GRM7: variants seen among roughly 807,000 people sequenced by gnomAD.
The protein encoded by GRM7 is metabotropic glutamate receptor 7.
GRM7 carries 35 observed loss-of-function variants against 84.5 expected under a neutral mutation model. The observed-to-expected ratio is 0.41, with a 90% CI of 0.32 to 0.55. The LOEUF is 0.55. GRM7 is among the 20% of genes least tolerant of loss of function. The probability of loss-of-function intolerance (pLI) is 0.19; values close to 1 mark genes in which losing one functional copy is unlikely to be tolerated. For synonymous variants in GRM7, 487 were observed against 455.1 expected (o/e 1.07, Z -0.89); for missense variants, 1,003 against 1,194.6 (o/e 0.84, Z 2.36).
At chr3:7,424,571 C>T (rs983616551) in intron 5 of GRM7, among the ~76,000 whole-genome samples, 27 of 152,116 alleles carry the variant, frequency 1.8e-4, no homozygotes, top group Admixed American at 1.6e-3. Flanking sequence ...TGTGACTTCT[C>T]TGAGAGTATA....
At chr3:7,116,047 G>A in intron 1 of GRM7, among the ~76,000 whole-genome samples, 1 of 152,114 alleles carries the variant, frequency 6.6e-6, no homozygotes, top group East Asian at 1.9e-4. Flanking sequence ...AACTTTACAG[G>A]GAAGATGCTC....
At chr3:7,729,746 G>GC (rs1403893889) in intron 9 of GRM7, among the ~76,000 whole-genome samples, 2 of 152,016 alleles carry the variant, frequency 1.3e-5, no homozygotes, top group East Asian at 3.9e-4. Context: ...TCACTCTGTT[G>GC]CCAGGCTGGA....
chr3:7,324,164 A>C (rs1338534143), intron 4 of GRM7, among the ~76,000 whole-genome samples: 3 of 152,022 alleles, frequency 2.0e-5, no homozygotes, highest in East Asian at 3.9e-4. Context: ...TTCCATTCTC[A>C]TGTGTGTTTT....
At chr3:7,492,688 C>T (rs535387670) in intron 7 of GRM7, among the ~76,000 whole-genome samples, 330 of 151,858 alleles carry the variant, frequency 2.2e-3, no homozygotes, top group Non-Finnish European at 3.8e-3. Flanking sequence ...TCTTTATTTT[C>T]GGTTCATTTG....
At chr3:7,101,778 A>G (rs900417050) in intron 1 of GRM7, among the ~76,000 whole-genome samples, 122 of 147,684 alleles carry the variant, frequency 8.3e-4, no homozygotes, top group African/African-American at 2.9e-3. Flanking sequence ...TAATTAAAAT[A>G]TATAAATATA....
chr3:7,656,518 A>ATATATATATATATATATATATAT (rs1298850673), intron 8 of GRM7, among the ~76,000 whole-genome samples: 1 of 93,284 alleles, frequency 1.1e-5, no homozygotes, highest in East Asian at 2.3e-4. Flanking sequence ...AACAAATAAA[A>ATATATATATATATATATATATAT]AAAAATATAT....
At chr3:6,945,276 T>C (rs1261645868) in intron 1 of GRM7, among the ~76,000 whole-genome samples, 1 of 144,514 alleles carries the variant, frequency 6.9e-6, no homozygotes, top group Non-Finnish European at 1.5e-5. Flanking sequence ...TGTGTTCTCA[T>C]TGTTCAATTC....
At chr3:7,030,823 T>A (rs1363866897) in intron 1 of GRM7, among the ~76,000 whole-genome samples, 3 of 152,226 alleles carry the variant, frequency 2.0e-5, no homozygotes. Context: ...GAATGAATAA[T>A]TAATATGTCT....
chr3:7,624,636 T>C (rs1470551253), intron 8 of GRM7, among the ~76,000 whole-genome samples: 1 of 152,170 alleles, frequency 6.6e-6, no homozygotes, highest in Non-Finnish European at 1.5e-5. Context: ...ATAACTCTGA[T>C]AAAATCTACC....
At chr3:7,185,081 CT>C (rs1465583113) in intron 2 of GRM7, among the ~76,000 whole-genome samples, 9 of 152,258 alleles carry the variant, frequency 5.9e-5, no homozygotes. Context: ...GTCAAAATGG[CT>C]TGCTCCAAGT....
At chr3:7,371,220 G>A (rs543349288) in intron 4 of GRM7, among the ~76,000 whole-genome samples, 7 of 152,254 alleles carry the variant, frequency 4.6e-5, no homozygotes, top group East Asian at 1.9e-4. Context: ...TGTTGTAGCC[G>A]TGGCAGATTG....
At chr3:7,039,535 C>T (rs1466199780) in intron 1 of GRM7, among the ~76,000 whole-genome samples, 2 of 152,116 alleles carry the variant, frequency 1.3e-5, no homozygotes, top group African/African-American at 4.8e-5. Flanking sequence ...GTAGTGGCAA[C>T]ATTTTGCTTG....
intron 7 of GRM7, among the ~76,000 whole-genome samples, chr3:7,556,776 G>GAGATTAGGA (rs1411387506): frequency 1.3e-5 from 2 of 152,120 alleles, no homozygotes; most frequent in African/African-American, 2.4e-5. Flanking sequence ...ACCTAAATCA[G>GAGATTAGGA]AGATTAGGAA....
At chr3:7,686,841 G>A (rs1700605261) in intron 9 of GRM7, among the ~76,000 whole-genome samples, 1 of 152,068 alleles carries the variant, frequency 6.6e-6, no homozygotes, top group Admixed American at 6.6e-5. Context: ...GAGAGAAGGG[G>A]GATGCTTAGT....
intron 1 of GRM7, among the ~76,000 whole-genome samples, chr3:7,094,981 CTT>C (rs543764636): frequency 9.7e-5 from 14 of 143,854 alleles, no homozygotes; most frequent in East Asian, 2.0e-4. Context: ...GGCTGATAGA[CTT>C]TTTTTTTTTT....
chr3:7,166,097 A>T (rs1694789540), intron 2 of GRM7, among the ~76,000 whole-genome samples: 1 of 152,232 alleles, frequency 6.6e-6, no homozygotes, highest in African/African-American at 2.4e-5. Context: ...TTCAGAATTA[A>T]AGAAACTGGG....
intron 1 of GRM7, among the ~76,000 whole-genome samples, chr3:7,010,535 AG>A (rs1174549423): frequency 3.3e-5 from 5 of 152,234 alleles, no homozygotes; most frequent in Non-Finnish European, 5.9e-5. Context: ...CAAGGTGATC[AG>A]ACATTGCCTG....
intron 1 of GRM7, among the ~76,000 whole-genome samples, chr3:7,012,642 G>A (rs1207039461): frequency 6.6e-6 from 1 of 152,108 alleles, no homozygotes. Context: ...AGTAAGAGGT[G>A]CCTTCCCATA....
chr3:7,029,320 A>AAC (rs1696102451), intron 1 of GRM7, among the ~76,000 whole-genome samples: 1 of 151,298 alleles, frequency 6.6e-6, no homozygotes, highest in African/African-American at 2.4e-5. Flanking sequence ...AAAAACAAAA[A>AAC]AAAAAAACAA....
Sources: allele counts gnomAD v4.1 joint callset (sites outside exome capture counted in the v4.1 genomes callset), GRCh38; gene constraint gnomAD v4.1.1; transcripts MANE v1.5; gene names NCBI Gene and HGNC (gene_info 2026-07-23, HGNC 2026-07-21).